The following CNTNAP3 variants were observed in gnomAD, a reference collection of about 807,000 sequenced individuals.
The protein encoded by CNTNAP3 is contactin associated protein family member 3, also known as contactin-associated protein-like 3.
In CNTNAP3, 36 loss-of-function variants were observed where a neutral mutation model predicts 92.1. The ratio of observed to expected loss-of-function variants is 0.39; its 90% confidence interval spans 0.30 to 0.52. The LOEUF (loss-of-function observed/expected upper bound fraction) is 0.52, where lower values mean the gene tolerates loss of function less well. CNTNAP3 is among the 20% of genes least tolerant of loss of function. CNTNAP3 has a pLI of 0.76. For missense variants in CNTNAP3, 534 were observed against 1,069.6 expected (o/e 0.50, Z 6.98); for synonymous variants, 232 against 422.3 (o/e 0.55, Z 5.53).
At chr9:39,075,935 CT>C (rs1337481651) in intron 23 of CNTNAP3, among the ~76,000 whole-genome samples, 2 of 152,302 alleles carry the variant, frequency 1.3e-5, no homozygotes, top group East Asian at 3.8e-4. Context: ...CTCCCCCACG[CT>C]TTTACTGCCT....
rs551498316 is a variant in CNTNAP3, at chr9:39,093,984, A to G, written c.2996-5337T>C. Among the ~76,000 whole-genome samples, 259 of 151,546 alleles carry G rather than the reference A, an allele frequency of 1.7e-3. 2 individuals carry two copies. The highest frequency in any genetic ancestry group is 6.1e-3 in the African/African-American group (252 of 41,504). On this transcript the variant is annotated intron_variant, in intron 18 of 23. Transcript: ENST00000297668. ...GGCATTTACTTTCCCACCAGTAACA[A>G]AAGAGAGTTCCAATTTCTCTAGGTT...
At chr9:39,109,896 T>G (rs982589869) in intron 14 of CNTNAP3, among the ~76,000 whole-genome samples, 1 of 152,204 alleles carries the variant, frequency 6.6e-6, no homozygotes, top group African/African-American at 2.4e-5. Flanking sequence ...TAACACTGGA[T>G]TTAGATATTC....
At chr9:39,138,665 A>G (rs1321347612) in intron 12 of CNTNAP3, among the ~76,000 whole-genome samples, 2 of 152,242 alleles carry the variant, frequency 1.3e-5, no homozygotes, top group African/African-American at 4.8e-5. Flanking sequence ...AAACTCACAG[A>G]AGTGTGGGGA....
intron 9 of CNTNAP3, among the ~76,000 whole-genome samples, chr9:39,158,261 C>A (rs1003331653): frequency 7.1e-6 from 1 of 141,398 alleles, no homozygotes; most frequent in Non-Finnish European, 1.5e-5. Context: ...AAAGGGTGGT[C>A]TATTTAAAAT....
rs552460521 is a variant in CNTNAP3, at chr9:39,128,746, C to T, written c.2080+4186G>A. On this transcript the variant is annotated intron_variant, in intron 13 of 23. Transcript: ENST00000297668. ...CGAGGCAGAAATAAAGCTGACTCTA[C>T]TTGCAGATGACATGATTTTCCATAT... 2.0e-5 allele frequency among the ~76,000 whole-genome samples: 3 copies of T among 151,722 alleles called. No homozygotes were observed. In the South Asian group the frequency reaches 6.2e-4, roughly 32 times the overall value.
intron 18 of CNTNAP3, among the ~76,000 whole-genome samples, chr9:39,096,295 T>C (rs1219049782): frequency 9.3e-6 from 1 of 107,074 alleles, no homozygotes; most frequent in Admixed American, 8.3e-5. Flanking sequence ...GATTATTGTC[T>C]GGGTTATATC....
rs1339285782 is a variant in CNTNAP3 at position 39,068,231 on chromosome 9, C to G, written c.*5659G>C. 1.6e-3 allele frequency among the ~76,000 whole-genome samples: 224 copies of G among 141,586 alleles called. No individual in the cohort carries two copies. The highest frequency in any genetic ancestry group is 4.0e-3 in the East Asian group (18 of 4,540). 92.9% of individuals were successfully genotyped at this position (141,586 alleles called of 152,430 possible). On this transcript the variant is annotated 3_prime_UTR_variant, in exon 24 of 24. Transcript: ENST00000297668. Reference sequence around the variant, plus strand: ...TGGCTAACACGGTGAAACCTTGCCTCCACTAAAAATACAAAAAAAAAAAAA... The same window carrying G: ...TGGCTAACACGGTGAAACCTTGCCTGCACTAAAAATACAAAAAAAAAAAAA...
chr9:39,110,701 G>A (rs185962331), intron 14 of CNTNAP3, among the ~76,000 whole-genome samples: 4,426 of 152,112 alleles, frequency 0.029, 91 homozygotes, highest in East Asian at 0.11. Context: ...TGCTGCAAAA[G>A]TATTTTATTA....
intron 14 of CNTNAP3, among the ~76,000 whole-genome samples, chr9:39,112,983 T>C (rs1820744958): frequency 6.6e-6 from 1 of 152,176 alleles, no homozygotes; most frequent in African/African-American, 2.4e-5. Context: ...TTGTTAAAAT[T>C]ACAGACTAAT....
chr9:39,098,339 T>C (rs1831580), intron 18 of CNTNAP3, among the ~76,000 whole-genome samples: 24,161 of 150,384 alleles, frequency 0.16, 2,842 homozygotes, highest in African/African-American at 0.32. Context: ...AAAAAGACAA[T>C]GTTGGGTGAT....
chr9:39,108,243 A>T (rs913926099), intron 15 of CNTNAP3, among the ~76,000 whole-genome samples: 3 of 151,674 alleles, frequency 2.0e-5, no homozygotes, highest in Admixed American at 2.0e-4. Flanking sequence ...AGGGTCCGGG[A>T]CTCCTTCATC....
chr9:39,118,632 G>T (rs1483760030), intron 13 of CNTNAP3, among the ~76,000 whole-genome samples: 1 of 152,112 alleles, frequency 6.6e-6, no homozygotes, highest in Non-Finnish European at 1.5e-5. Flanking sequence ...TGTTCATTGA[G>T]AAAGTTTAAT....
intron 18 of CNTNAP3, 107 bp downstream of exon 18, chr9:39,099,804 A>G (rs1355103955): frequency 1.1e-5 from 16 of 1,407,750 alleles, no homozygotes; most frequent in Non-Finnish European, 1.4e-5. Context: ...TCCATTTCAA[A>G]TAATTCAATC....
chr9:39,126,809 C>G (rs376675040), intron 13 of CNTNAP3, among the ~76,000 whole-genome samples: 1,607 of 151,856 alleles, frequency 0.011, 29 homozygotes, highest in South Asian at 0.085. Context: ...AATTATAGTA[C>G]AGATTTCAAA....
At chr9:39,097,875 T>G (rs1826361827) in intron 18 of CNTNAP3, among the ~76,000 whole-genome samples, 1 of 150,642 alleles carries the variant, frequency 6.6e-6, no homozygotes, top group South Asian at 2.1e-4. Context: ...TCAATAGTTG[T>G]TTTTTAAAAT....
chr9:39,090,528 A>G (rs1826169790), intron 18 of CNTNAP3, among the ~76,000 whole-genome samples: 1 of 152,284 alleles, frequency 6.6e-6, no homozygotes, highest in South Asian at 2.1e-4. Flanking sequence ...TCCATTGACC[A>G]TAAATGGCGA....
chr9:39,107,160 C>T (rs1826625148), intron 15 of CNTNAP3, among the ~76,000 whole-genome samples: 2 of 151,006 alleles, frequency 1.3e-5, no homozygotes, highest in African/African-American at 2.4e-5. Flanking sequence ...TGTAGACTTA[C>T]ACTACAAGTA....
At chr9:39,118,872 G>C (rs545674285) in intron 13 of CNTNAP3, among the ~76,000 whole-genome samples, 1 of 152,296 alleles carries the variant, frequency 6.6e-6, no homozygotes, top group East Asian at 1.9e-4. Flanking sequence ...AAAGTGCCCT[G>C]GGTCAACTAC....
In CNTNAP3 at chr9:39,066,951, C is replaced by T. The variant is rs1825520908; in HGVS notation, c.*6939G>A. ...TTTAAAAATATTTTTTTCTATCCAT[C>T]CACTCTCTTTTCTCCTTTGAGAACT... On this transcript the variant is annotated 3_prime_UTR_variant, in exon 24 of 24. Transcript: ENST00000297668. 6.6e-6 allele frequency among the ~76,000 whole-genome samples: 1 copy of T among 152,258 alleles called. No homozygotes were observed. The highest frequency in any genetic ancestry group is 2.1e-4 in the South Asian group (1 of 4,834).
Sources: allele counts gnomAD v4.1 joint callset (sites outside exome capture counted in the v4.1 genomes callset), GRCh38; gene constraint gnomAD v4.1.1; transcripts MANE v1.5; gene names NCBI Gene and HGNC (gene_info 2026-07-23, HGNC 2026-07-21).